Variants in SSBP3 observed in about 807,000 individuals in gnomAD.
SSBP3 encodes the protein single stranded DNA binding protein 3.
In SSBP3, 5 loss-of-function variants were observed where a neutral mutation model predicts 69.6. The observed-to-expected ratio is 0.07, with a 90% CI of 0.04 to 0.15. The LOEUF is 0.15. SSBP3 is among the 10% of genes least tolerant of loss of function. The pLI is 1.00. For missense variants in SSBP3, 312 were observed against 534.0 expected (o/e 0.58, Z 4.10); for synonymous variants, 196 against 193.4 (o/e 1.01, Z -0.11).
At chr1:54,407,489 C>T (rs1311357436), upstream of SSBP3, among the ~76,000 whole-genome samples, 2 of 152,170 alleles carry the variant, frequency 1.3e-5, no homozygotes, top group African/African-American at 4.8e-5. Flanking sequence ...TTGCTGCTGA[C>T]TCCTTTCTGC....
At chr1:54,341,339 G>A (rs2317386) in intron 4 of SSBP3, among the ~76,000 whole-genome samples, 18,402 of 152,118 alleles carry the variant, frequency 0.12, 1,371 homozygotes, top group East Asian at 0.3. Context: ...CCCCTTTAAT[G>A]TGTTGGGGGC....
chr1:54,352,510 C>T (rs1466923929), intron 4 of SSBP3, among the ~76,000 whole-genome samples: 1 of 152,146 alleles, frequency 6.6e-6, no homozygotes, highest in Admixed American at 6.5e-5. Flanking sequence ...CAGCTTCAAA[C>T]CCCTTCCTCC....
exon 1 of SSBP3, chr1:54,406,032 A>AGCCTCGCCGCCGCCGCCGC: frequency 7.6e-7 from 1 of 1,319,128 alleles, no homozygotes; most frequent in Non-Finnish European, 1.0e-6. Context: ...GAGGGCGCCG[A>AGCCTCGCCGCCGCCGCCGC]GCCTCGCCGC....
intron 4 of SSBP3, among the ~76,000 whole-genome samples, chr1:54,384,827 C>A (rs947710836): frequency 1.1e-4 from 17 of 151,866 alleles, no homozygotes; most frequent in South Asian, 2.1e-4. Flanking sequence ...TTTTTTCCAA[C>A]ATACAAGGCC....
At chr1:54,239,895 C>T (rs956692627) in intron 13 of SSBP3, among the ~76,000 whole-genome samples, 1 of 152,094 alleles carries the variant, frequency 6.6e-6, no homozygotes, top group African/African-American at 2.4e-5. Context: ...CCAGCTAAAA[C>T]GTTTCTATCA....
At chr1:54,263,078 G>A (rs768508393) in intron 5 of SSBP3, among the ~76,000 whole-genome samples, 16 of 152,206 alleles carry the variant, frequency 1.1e-4, no homozygotes, top group Non-Finnish European at 2.2e-4. Context: ...CACTTAGGCA[G>A]GGCCCAGGAG....
At chr1:54,227,205 G>A (rs558623961) in intron 17 of SSBP3, 45 bp from the exon 18 acceptor site, 3 of 1,177,432 alleles carry the variant, frequency 2.5e-6, no homozygotes, top group South Asian at 2.4e-5. Context: ...GGATTGTGGG[G>A]AGGCCGCTGA....
chr1:54,398,029 A>G (rs1649018733), intron 4 of SSBP3, among the ~76,000 whole-genome samples: 1 of 152,202 alleles, frequency 6.6e-6, no homozygotes, highest in Non-Finnish European at 1.5e-5. Flanking sequence ...GGTCAACTGC[A>G]AATACCTCCC....
intron 4 of SSBP3, among the ~76,000 whole-genome samples, chr1:54,332,343 T>A (rs1436624829): frequency 6.6e-6 from 1 of 152,016 alleles, no homozygotes; most frequent in Non-Finnish European, 1.5e-5. Context: ...GCAAGGAAAC[T>A]AAAAGTGGAG....
Position 54,340,273 on chromosome 1 carries a change from C to G in SSBP3, c.277-58746G>C, listed in dbSNP as rs377093064. ...AGAAAGTCCTCTAAAGGTAGCTTGT[C>G]TCTTTTCGGCTGCAGTAATATTTGC... is the stretch of plus-strand genomic sequence containing the variant. On this transcript the variant is annotated intron_variant, in intron 4 of 17. Transcript: ENST00000610401. Among the ~76,000 whole-genome samples, 19 of 152,252 alleles carry G rather than the reference C, an allele frequency of 1.2e-4. 1 individual carries two copies. The East Asian group carries it at 1.3e-3, about 11-fold the overall frequency.
intron 4 of SSBP3, among the ~76,000 whole-genome samples, chr1:54,394,785 C>T (rs1648744715): frequency 6.7e-6 from 1 of 150,280 alleles, no homozygotes. Context: ...TCACTGCAAC[C>T]TCCGCCTCCT....
Position 54,401,949 on chromosome 1 carries a change from C to T in SSBP3, c.192-4G>A, listed in dbSNP as rs531315357. 13 of 1,612,648 alleles carry T rather than the reference C, an allele frequency of 8.1e-6. No individual in the cohort carries two copies. The East Asian group carries it at 2.2e-4, about 28-fold the overall frequency. ...ACAGTAAAGGTCCCAAAATACACTG[C>T]GAGGAGGAAAATAAAATAAGGTCAG... On this transcript the variant is annotated splice_region_variant and splice_polypyrimidine_tract_variant and intron_variant, in intron 3 of 17. Coordinates refer to ENST00000610401, the Ensembl canonical transcript of SSBP3.
At chr1:54,384,481 G>C (rs142467249) in intron 4 of SSBP3, among the ~76,000 whole-genome samples, 199 of 152,306 alleles carry the variant, frequency 1.3e-3, no homozygotes, top group African/African-American at 4.5e-3. Flanking sequence ...CAAGCGTCAG[G>C]GCCTCAGTTT....
In SSBP3 at chr1:54,240,047, GGTGTGT is replaced by G. The variant is rs71066910; in HGVS notation, c.856+852_857-849del. Among the ~76,000 whole-genome samples the G allele has an allele frequency of 1.3e-3, 102 of 77,790 alleles. 1 individual carries two copies. The South Asian group carries it at 0.02, about 15-fold the overall frequency. 51.0% of individuals were successfully genotyped at this position (77,790 alleles called of 152,430 possible). A position where few individuals can be genotyped will look rare whatever the true frequency, so the allele number is the denominator to read the frequency against. On this transcript the variant is annotated intron_variant, in intron 13 of 17. Coordinates refer to ENST00000610401, the Ensembl canonical transcript of SSBP3. ...TGGGAAAGAAACATAATTGTGATGG[GGTGTGT>G]GTGTGTGTGTGTGTGTGTGTGTGTG... is the stretch of plus-strand genomic sequence containing the variant.
At chr1:54,397,461 T>C (rs1022063222) in intron 4 of SSBP3, among the ~76,000 whole-genome samples, 4 of 152,136 alleles carry the variant, frequency 2.6e-5, no homozygotes, top group Admixed American at 6.5e-5. Flanking sequence ...CTGGGGCACT[T>C]TCCTACTTTA....
chr1:54,355,729 T>G (rs1310202426), intron 4 of SSBP3, among the ~76,000 whole-genome samples: 1 of 152,154 alleles, frequency 6.6e-6, no homozygotes, highest in African/African-American at 2.4e-5. Context: ...TATCTTAAAG[T>G]CCTCCTAAAA....
chr1:54,292,272 C>T (rs1645621252), intron 4 of SSBP3, among the ~76,000 whole-genome samples: 1 of 152,236 alleles, frequency 6.6e-6, no homozygotes. Context: ...ATTAATTCCC[C>T]TCTACCGAAT....
intron 4 of SSBP3, among the ~76,000 whole-genome samples, chr1:54,361,139 G>A (rs1488323845): frequency 6.6e-6 from 1 of 152,124 alleles, no homozygotes; most frequent in East Asian, 1.9e-4. Context: ...TTTGCATAGA[G>A]AGTGAGCCTC....
chr1:54,404,459 G>A (rs916167869), intron 3 of SSBP3, 117 bp downstream of exon 3: 6 of 1,279,516 alleles, frequency 4.7e-6, no homozygotes, highest in African/African-American at 2.9e-5. Flanking sequence ...GCCCCGCTCT[G>A]TGCAACGCAG....
Sources: allele counts gnomAD v4.1 joint callset (sites outside exome capture counted in the v4.1 genomes callset), GRCh38; gene constraint gnomAD v4.1.1; transcripts MANE v1.5; gene names NCBI Gene and HGNC (gene_info 2026-07-23, HGNC 2026-07-21).